Variants in ARHGAP8 observed in about 807,000 individuals in gnomAD.
The protein encoded by ARHGAP8 is Rho GTPase activating protein 8.
Under a neutral mutation model 46.1 loss-of-function variants are expected in ARHGAP8, and 62 were observed. That is an observed-to-expected ratio of 1.34 (90% CI 1.10 to 1.66). ARHGAP8 has a LOEUF of 1.66. Among genes scored for constraint, ARHGAP8 ranks in the 40% most tolerant of loss-of-function variants. ARHGAP8 has a pLI of 0.00. For missense variants in ARHGAP8, 923 were observed against 568.4 expected (o/e 1.62, Z -6.34); for synonymous variants, 375 against 243.1 (o/e 1.54, Z -5.05).
At chr22:44,852,158 C>T (rs1235110610) in intron 10 of ARHGAP8, among the ~76,000 whole-genome samples, 2 of 132,728 alleles carry the variant, frequency 1.5e-5, no homozygotes, top group Non-Finnish European at 3.1e-5. Context: ...CACTGCTGCA[C>T]TCCAGCCTGG....
rs565053411 is a variant in ARHGAP8 at position 44,859,653 on chromosome 22, C to T, written c.878-78C>T. The T allele has an allele frequency of 9.2e-4, 984 of 1,068,178 alleles. 8 individuals carry two copies. The African/African-American group carries it at 0.017, about 19-fold the overall frequency. 66.2% of individuals were successfully genotyped at this position (1,068,178 alleles called of 1,614,324 possible). A position where few individuals can be genotyped will look rare whatever the true frequency, so the allele number is the denominator to read the frequency against. On this transcript the variant is annotated intron_variant, in intron 10 of 11. Transcript: ENST00000356099. The stretch of plus-strand genomic sequence containing the variant: ...CCTCAGAGCTGTCCTTCCTACACCC[C>T]TGTTCTCCTCCCGGGCCGGGATGCA...
chr22:44,854,568 G>A lies in ARHGAP8; in HGVS notation c.878-5163G>A, dbSNP rs112488812. 5.8e-3 allele frequency among the ~76,000 whole-genome samples: 879 copies of A among 152,122 alleles called. 13 individuals are homozygous for A. The highest frequency in any genetic ancestry group is 0.039 in the East Asian group (202 of 5,152). On this transcript the variant is annotated intron_variant, in intron 10 of 11. Transcript: ENST00000356099. ...ATTTTTAACCCTACTTCACTAGTAAGCCCAACTACATAAAGATGTATGCTT... is the reference window on the plus strand; with the variant it reads ...ATTTTTAACCCTACTTCACTAGTAAACCCAACTACATAAAGATGTATGCTT...
intron 2 of ARHGAP8, among the ~76,000 whole-genome samples, chr22:44,792,292 G>C (rs1927751095): frequency 6.6e-6 from 1 of 152,244 alleles, no homozygotes; most frequent in Admixed American, 6.5e-5. Flanking sequence ...TTACAGGCGT[G>C]AGCCACTGCA....
At chr22:44,860,688 C>G (rs1223944075) in intron 11 of ARHGAP8, among the ~76,000 whole-genome samples, 2 of 152,144 alleles carry the variant, frequency 1.3e-5, no homozygotes, top group African/African-American at 2.4e-5. Context: ...CTTCAGTGCT[C>G]TGGGCCTGGG....
At chr22:44,799,927 G>C (rs1181915835) in intron 2 of ARHGAP8, among the ~76,000 whole-genome samples, 2 of 140,808 alleles carry the variant, frequency 1.4e-5, no homozygotes, top group Non-Finnish European at 3.1e-5. Flanking sequence ...TGGGCAGAGA[G>C]AGGAGGAAAG....
At chr22:44,761,351 G>A (rs767087525) in intron 1 of ARHGAP8, among the ~76,000 whole-genome samples, 1 of 152,080 alleles carries the variant, frequency 6.6e-6, no homozygotes, top group Non-Finnish European at 1.5e-5. Flanking sequence ...TAGTGTATTG[G>A]GAAAAGAAAA....
chr22:44,799,969 C>A lies in ARHGAP8; in HGVS notation c.80-2108C>A, dbSNP rs1040990416. On this transcript the variant is annotated intron_variant, in intron 2 of 11. Transcript: ENST00000356099. ...CCATGAGGTCTCCAACCTCTTCTGG[C>A]CACTTGTGGGGTGGGGCAAGGTGGG... 4.8e-5 allele frequency among the ~76,000 whole-genome samples: 5 copies of A among 104,584 alleles called. No individual in the cohort carries two copies. The South Asian group carries it at 1.3e-3, about 27-fold the overall frequency. 68.6% of individuals were successfully genotyped at this position (104,584 alleles called of 152,430 possible). A position where few individuals can be genotyped will look rare whatever the true frequency, so the allele number is the denominator to read the frequency against.
At chr22:44,791,652 C>T (rs946428128) in intron 2 of ARHGAP8, among the ~76,000 whole-genome samples, 113 of 152,078 alleles carry the variant, frequency 7.4e-4, no homozygotes, top group Non-Finnish European at 1.3e-3. Context: ...TGCAGTGAGC[C>T]GAGATTGCAT....
intron 10 of ARHGAP8, among the ~76,000 whole-genome samples, chr22:44,851,127 AC>A (rs967224646): frequency 6.6e-6 from 1 of 152,100 alleles, no homozygotes; most frequent in Admixed American, 6.6e-5. Context: ...GGAGGGAAGG[AC>A]CCAGCTCTGG....
chr22:44,823,777 C>G (rs1364755403), intron 6 of ARHGAP8, among the ~76,000 whole-genome samples: 2 of 152,056 alleles, frequency 1.3e-5, no homozygotes, highest in African/African-American at 4.8e-5. Context: ...AAATGGACGG[C>G]ATCTGTGAAA....
At chr22:44,847,165 C>G (rs1026643720) in intron 8 of ARHGAP8, among the ~76,000 whole-genome samples, 1 of 152,184 alleles carries the variant, frequency 6.6e-6, no homozygotes, top group Non-Finnish European at 1.5e-5. Context: ...CGCAGGCCCC[C>G]CAAGGGCAGG....
At chr22:44,861,242 G>T (rs190918823) in intron 11 of ARHGAP8, among the ~76,000 whole-genome samples, 223 of 152,234 alleles carry the variant, frequency 1.5e-3, no homozygotes, top group African/African-American at 5.2e-3. Context: ...AAGAGTGCTG[G>T]GATTACAGGT....
At chr22:44,805,044 C>A (rs1928836479) in intron 3 of ARHGAP8, among the ~76,000 whole-genome samples, 1 of 152,172 alleles carries the variant, frequency 6.6e-6, no homozygotes, top group South Asian at 2.1e-4. Context: ...TGCCAGCCTG[C>A]AGCCCACTCT....
chr22:44,775,289 A>T (rs1413039901), intron 1 of ARHGAP8, among the ~76,000 whole-genome samples: 1 of 152,172 alleles, frequency 6.6e-6, no homozygotes, highest in African/African-American at 2.4e-5. Flanking sequence ...GTCAGCAGAG[A>T]TGGCGAGAGT....
At chr22:44,774,863 C>T (rs2147022068) in intron 1 of ARHGAP8, among the ~76,000 whole-genome samples, 1 of 151,638 alleles carries the variant, frequency 6.6e-6, no homozygotes, top group East Asian at 2.0e-4. Context: ...TGGAGTCTCA[C>T]TCTGTCACCC....
intron 7 of ARHGAP8, among the ~76,000 whole-genome samples, chr22:44,843,084 C>T (rs963460788): frequency 4.6e-5 from 7 of 152,180 alleles, no homozygotes; most frequent in South Asian, 2.1e-4. Flanking sequence ...AAACCCCTCA[C>T]GAGGCCAGCT....
At chr22:44,772,357 T>TTC (rs1195788578) in intron 1 of ARHGAP8, among the ~76,000 whole-genome samples, 2 of 146,242 alleles carry the variant, frequency 1.4e-5, no homozygotes, top group Admixed American at 6.8e-5. Context: ...TTTTTCTTTT[T>TTC]TTTTTTTTTT....
chr22:44,818,585 C>T (rs931291268), intron 5 of ARHGAP8, among the ~76,000 whole-genome samples: 8 of 152,258 alleles, frequency 5.3e-5, no homozygotes, highest in African/African-American at 1.9e-4. Flanking sequence ...AGAGCCAACC[C>T]CTCTCTGCCT....
At chr22:44,802,784 G>C (rs549003030) in intron 3 of ARHGAP8, among the ~76,000 whole-genome samples, 3 of 152,148 alleles carry the variant, frequency 2.0e-5, no homozygotes, top group Admixed American at 2.0e-4. Flanking sequence ...TCTCTGCCTC[G>C]GTCTTCACAT....
Sources: gnomAD v4.1 joint callset for allele counts (sites outside exome capture counted in the v4.1 genomes callset) on GRCh38, gnomAD v4.1.1 for gene constraint, MANE v1.5 for transcripts, NCBI Gene and HGNC (gene_info 2026-07-23, HGNC 2026-07-21) for gene names.